The following RAPGEF5 variants were observed in gnomAD, a reference collection of about 807,000 sequenced individuals.
The protein encoded by RAPGEF5 is M-Ras-regulated GEF.
Under a neutral mutation model 125.2 loss-of-function variants are expected in RAPGEF5, and 65 were observed. That is an observed-to-expected ratio of 0.52 (90% CI 0.43 to 0.64). The LOEUF is 0.64. Ranked by LOEUF, RAPGEF5 falls within the 30% of genes least tolerant of loss-of-function variation. The probability of loss-of-function intolerance (pLI) is 0.00; values close to 1 mark genes in which losing one functional copy is unlikely to be tolerated. For missense variants in RAPGEF5, 958 were observed against 1,048.1 expected, an observed-to-expected ratio of 0.91 and a Z score of 1.19; for synonymous variants, 391 against 385.9, an observed-to-expected ratio of 1.01 and a Z score of -0.16.
intron 20 of RAPGEF5, among the ~76,000 whole-genome samples, chr7:22,143,177 TGGA>T (rs1783319625): frequency 6.6e-6 from 1 of 152,240 alleles, no homozygotes; most frequent in African/African-American, 2.4e-5. Flanking sequence ...CAAGCCATTT[TGGA>T]ACACAATGGC....
intron 2 of RAPGEF5, 74 bp from the exon 3 acceptor site, chr7:22,315,550 T>C: frequency 6.9e-6 from 2 of 290,824 alleles, no homozygotes; most frequent in South Asian, 1.8e-4. Flanking sequence ...TAGCATACTA[T>C]ATATATATAT....
chr7:22,240,209 C>CAA (rs35460153), intron 7 of RAPGEF5, among the ~76,000 whole-genome samples: 17 of 78,874 alleles, frequency 2.2e-4, no homozygotes, highest in African/African-American at 6.5e-4. Flanking sequence ...GACTCCACCT[C>CAA]AAAAAAAAAA....
intron 7 of RAPGEF5, among the ~76,000 whole-genome samples, chr7:22,265,834 T>C (rs1258999662): frequency 6.6e-6 from 1 of 152,210 alleles, no homozygotes; most frequent in Non-Finnish European, 1.5e-5. Flanking sequence ...GCAATCTTTA[T>C]TGATGTCCTT....
intron 7 of RAPGEF5, among the ~76,000 whole-genome samples, chr7:22,264,139 T>C (rs554211717): frequency 2.7e-5 from 4 of 147,484 alleles, no homozygotes; most frequent in African/African-American, 4.9e-5. Flanking sequence ...TTGTTTCTAC[T>C]TTCTGTTAAA....
intron 11 of RAPGEF5, among the ~76,000 whole-genome samples, chr7:22,174,070 G>A (rs1784433477): frequency 1.3e-5 from 2 of 152,124 alleles, no homozygotes; most frequent in South Asian, 2.1e-4. Flanking sequence ...ACCTAGCAGA[G>A]TTACAGTGAA....
At chr7:22,324,230 C>A (rs1386781143) in intron 1 of RAPGEF5, among the ~76,000 whole-genome samples, 1 of 152,126 alleles carries the variant, frequency 6.6e-6, no homozygotes, top group African/African-American at 2.4e-5. Context: ...AATATAATGA[C>A]AAAATATCAG....
chr7:22,347,565 A>T (rs1232925717), intron 1 of RAPGEF5, among the ~76,000 whole-genome samples: 1 of 152,202 alleles, frequency 6.6e-6, no homozygotes, highest in Non-Finnish European at 1.5e-5. Context: ...TCAAAATGAA[A>T]AAAAAGAGAC....
intron 1 of RAPGEF5, among the ~76,000 whole-genome samples, chr7:22,320,478 A>G (rs1783692914): frequency 6.6e-6 from 1 of 152,164 alleles, no homozygotes; most frequent in Non-Finnish European, 1.5e-5. Context: ...TCAGAGAAAC[A>G]CCATGGGCCA....
intron 12 of RAPGEF5, among the ~76,000 whole-genome samples, chr7:22,165,993 C>T (rs1255092899): frequency 1.3e-5 from 2 of 148,174 alleles, no homozygotes; most frequent in Non-Finnish European, 3.0e-5. Flanking sequence ...TTTTGGTATG[C>T]CTATATATAT....
At chr7:22,254,440 C>T (rs1786701960) in intron 7 of RAPGEF5, among the ~76,000 whole-genome samples, 1 of 151,118 alleles carries the variant, frequency 6.6e-6, no homozygotes, top group African/African-American at 2.4e-5. Context: ...GAAACCCCGT[C>T]TCTACTGAAA....
chr7:22,267,045 G>C (rs1021334278), intron 6 of RAPGEF5, 33 bp from the exon 7 acceptor site: 9 of 1,564,636 alleles, frequency 5.8e-6, no homozygotes, highest in South Asian at 1.1e-5. Context: ...AATCAAATTA[G>C]AAGAAGAAAA....
At chr7:22,245,476 A>AT (rs1356610836) in intron 7 of RAPGEF5, among the ~76,000 whole-genome samples, 1 of 151,752 alleles carries the variant, frequency 6.6e-6, no homozygotes, top group Non-Finnish European at 1.5e-5. Context: ...TCTATTTTTC[A>AT]TTTGTTTTTG....
chr7:22,307,365 T>G (rs1349671594), intron 5 of RAPGEF5, among the ~76,000 whole-genome samples: 1 of 152,128 alleles, frequency 6.6e-6, no homozygotes, highest in Non-Finnish European at 1.5e-5. Context: ...TCAGTACTGT[T>G]TTTTCTATTT....
At chr7:22,233,673 C>A (rs1247451346) in intron 7 of RAPGEF5, among the ~76,000 whole-genome samples, 1 of 152,146 alleles carries the variant, frequency 6.6e-6, no homozygotes, top group Non-Finnish European at 1.5e-5. Flanking sequence ...GCTGAAATTA[C>A]AGGTATGAGC....
intron 7 of RAPGEF5, among the ~76,000 whole-genome samples, chr7:22,263,744 C>CA (rs200233032): frequency 0.19 from 25,598 of 133,448 alleles, 2,227 homozygotes; most frequent in Admixed American, 0.23. Flanking sequence ...AAACAAAAAA[C>CA]AAAAAAAAAG....
intron 5 of RAPGEF5, among the ~76,000 whole-genome samples, chr7:22,296,599 G>A (rs1041832370): frequency 3.3e-5 from 5 of 150,672 alleles, no homozygotes; most frequent in Admixed American, 6.6e-5. Flanking sequence ...ATAAAAAAAA[G>A]TGGTTATGTT....
At chr7:22,157,717 A>C in intron 15 of RAPGEF5, 138 bp downstream of exon 15, 1 of 872,834 alleles carries the variant, frequency 1.1e-6, no homozygotes, top group Non-Finnish European at 1.8e-6. Context: ...AGCGCAGGGA[A>C]GCTGCAGCCC....
chr7:22,332,432 TA>T (rs1194881471), intron 1 of RAPGEF5, among the ~76,000 whole-genome samples: 1 of 152,148 alleles, frequency 6.6e-6, no homozygotes, highest in East Asian at 1.9e-4. Flanking sequence ...TTAAATGCAG[TA>T]AAAAAGTCAT....
At chr7:22,254,193 T>C (rs571123727) in intron 7 of RAPGEF5, among the ~76,000 whole-genome samples, 2 of 151,870 alleles carry the variant, frequency 1.3e-5, no homozygotes, top group Non-Finnish European at 2.9e-5. Flanking sequence ...CAATATTACA[T>C]ACATATACTT....
Sources: gnomAD v4.1 joint callset for allele counts (sites outside exome capture counted in the v4.1 genomes callset) on GRCh38, gnomAD v4.1.1 for gene constraint, MANE v1.5 for transcripts, NCBI Gene and HGNC (gene_info 2026-07-23, HGNC 2026-07-21) for gene names.